DMWD: variants seen among roughly 807,000 people sequenced by gnomAD.
The protein encoded by DMWD is DM1 locus, WD repeat containing, also known as dystrophia myotonica WD repeat-containing protein.
In DMWD, 19 loss-of-function variants were observed where a neutral mutation model predicts 45.8. That is an observed-to-expected ratio of 0.41 (90% CI 0.29 to 0.61). The LOEUF is 0.61. Ranked by LOEUF, DMWD falls within the 20% of genes least tolerant of loss-of-function variation. The probability of loss-of-function intolerance (pLI) is 0.25; values close to 1 mark genes in which losing one functional copy is unlikely to be tolerated. For synonymous variants in DMWD, 515 were observed against 440.5 expected, an observed-to-expected ratio of 1.17 and a Z score of -2.12; for missense variants, 802 against 965.2, an observed-to-expected ratio of 0.83 and a Z score of 2.24.
At chr19:45,784,948 G>A (rs1441923887) in intron 3 of DMWD, among the ~76,000 whole-genome samples, 1 of 152,188 alleles carries the variant, frequency 6.6e-6, no homozygotes, top group Non-Finnish European at 1.5e-5. Flanking sequence ...AAGATGCCAG[G>A]CCTGATTCGC....
At chr19:45,787,274 A>C in intron 2 of DMWD, 1 of 271,796 alleles carries the variant, frequency 3.7e-6, no homozygotes, top group African/African-American at 2.2e-5. Context: ...CAGGCATTAC[A>C]GCCTGAGCCC....
At chr19:45,789,459 TCTCCATGTATGATTCTA>T (rs1216313452) in intron 2 of DMWD, 1 of 152,198 alleles carries the variant, frequency 6.6e-6, no homozygotes, top group Non-Finnish European at 1.5e-5. Flanking sequence ...GACTGAGCAA[TCTCCATGTATGATTCTA>T]CAACAGCGGT....
Position 45,786,105 on chromosome 19 carries a change from C to A in DMWD, c.1391G>T (p.Gly464Val). The change falls in exon 3 of 5, where the codon GGC (glycine) becomes GTC (valine). Residue 464 changes from glycine (G) to valine (V), a missense_variant. Transcript: ENST00000270223. ...PPLARTRTLP[G>V]TPGTTPPAAS... ...GGCCGGTGGCGTGGTGCCAGGTGTG[C>A]CAGGGAGGGTGCGGGTGCGGGCCAG... 1 of 1,527,702 alleles carries A rather than the reference C, an allele frequency of 6.5e-7. No individual in the cohort carries two copies. Among genetic ancestry groups the A allele is most frequent in the Middle Eastern group, 1.7e-4 (1 of 5,752 alleles). The allele number at this position is 1,527,702 out of a possible 1,614,324, so 94.6% of individuals were successfully genotyped here.
chr19:45,792,216 G>A (rs1970364103), intron 1 of DMWD, 100 bp downstream of exon 1: 2 of 1,441,110 alleles, frequency 1.4e-6, no homozygotes, highest in Non-Finnish European at 1.8e-6. Flanking sequence ...CATTTAGAAT[G>A]CCTATCTCAG....
At chr19:45,788,218 G>A (rs551721011) in intron 2 of DMWD, among the ~76,000 whole-genome samples, 6 of 152,214 alleles carry the variant, frequency 3.9e-5, no homozygotes, top group African/African-American at 1.4e-4. Flanking sequence ...CCGCCACAGC[G>A]ATGCTCTGTG....
Position 45,792,762 on chromosome 19 carries a change from G to T in DMWD, c.-6C>A, listed in dbSNP as rs754868134. 2.8e-5 allele frequency: 32 copies of T among 1,125,010 alleles called. No individual in the cohort carries two copies. Among genetic ancestry groups the T allele is most frequent in the Middle Eastern group, 7.0e-4 (2 of 2,872 alleles). The allele number at this position is 1,125,010 out of a possible 1,614,324, so 69.7% of individuals were successfully genotyped here. A position where few individuals can be genotyped will look rare whatever the true frequency, so the allele number is the denominator to read the frequency against. On this transcript the variant is annotated 5_prime_UTR_variant, in exon 1 of 5. Transcript: ENST00000270223. ...TCCGCGCCGCCCGCCGCCATCTTGG[G>T]CGCCCCCCGGGCCCCGCCACTGCCG... is the stretch of plus-strand genomic sequence containing the variant.
chr19:45,785,753 A>T lies in DMWD; in HGVS notation c.1743T>A (p.Thr581=), dbSNP rs773062519. 6.2e-7 allele frequency: 1 copy of T among 1,610,654 alleles called. No homozygotes were observed. ...SRLDPAKVLG[T]ALCPRIHEVP... is the part of the protein sequence containing the mutation. Reference sequence around the variant, plus strand: ...CCTCGTGGATGCGCGGGCACAGCGCAGTGCCCAGCACCTTGGCGGGGTCCA... The same window carrying T: ...CCTCGTGGATGCGCGGGCACAGCGCTGTGCCCAGCACCTTGGCGGGGTCCA... The change falls in exon 3 of 5, where the codon ACT becomes ACA. Residue 581 remains threonine (T), a synonymous_variant. Transcript: ENST00000270223.
Position 45,784,362 on chromosome 19 carries a change from G to A in DMWD, c.1978-72C>T. ...GGCTTCAGCCAGTGTCAAGGGGAGGGAGCCAGCCCAGAGTCCCCAAAGCTG... is the reference window on the plus strand; with the variant it reads ...GGCTTCAGCCAGTGTCAAGGGGAGGAAGCCAGCCCAGAGTCCCCAAAGCTG... On this transcript the variant is annotated intron_variant, in intron 4 of 4. Transcript: ENST00000270223. 3 of 1,446,858 alleles carry A rather than the reference G, an allele frequency of 2.1e-6. No homozygotes were observed. In the East Asian group the frequency reaches 7.1e-5, roughly 34 times the overall value. 89.6% of individuals were successfully genotyped at this position (1,446,858 alleles called of 1,614,324 possible).
At position 45,786,507 on chromosome 19, in the gene DMWD, A is replaced by C; in HGVS notation, c.989T>G (p.Leu330Arg). 6.2e-7 allele frequency: 1 copy of C among 1,614,034 alleles called. No individual in the cohort carries two copies. The highest frequency in any genetic ancestry group is 1.1e-5 in the South Asian group (1 of 91,078). Residue 330 changes from leucine (L) to arginine (R), a missense_variant, in exon 3 of 5, where the codon CTG becomes CGG. Leu to Arg is a moderately radical substitution (Grantham distance 102, BLOSUM62 -2). Coordinates refer to ENST00000270223, the MANE Select transcript of DMWD (RefSeq NM_004943.2). Reference sequence around the variant, plus strand: ...GCCGTCAGGGCTCCAGCACACACACAGCAGGCCCCCAAAGTAGCTCTTCAT... The same window carrying C: ...GCCGTCAGGGCTCCAGCACACACACCGCAGGCCCCCAAAGTAGCTCTTCAT... Reference protein sequence around the residue: ...GLMKSYFGGLLCVCWSPDGRY... With the variant: ...GLMKSYFGGLRCVCWSPDGRY...
At chr19:45,785,256 G>A (rs537503928) in intron 3 of DMWD, 1 of 1,091,098 alleles carries the variant, frequency 9.2e-7, no homozygotes, top group East Asian at 5.6e-5. Context: ...TTAAAAAACA[G>A]ATGTTCAACA....
At chr19:45,790,015 G>C (rs1970333750) in intron 2 of DMWD, 1 of 152,214 alleles carries the variant, frequency 6.6e-6, no homozygotes, top group South Asian at 2.1e-4. Flanking sequence ...GCTGGGCGTG[G>C]TGCTGGGCGC....
At chr19:45,785,271 T>G (rs377654826) in intron 3 of DMWD, 63 of 1,125,262 alleles carry the variant, frequency 5.6e-5, no homozygotes, top group Non-Finnish European at 6.5e-5. Flanking sequence ...TCAACAGAAA[T>G]AGATTCTGGT....
intron 3 of DMWD, 117 bp downstream of exon 3, chr19:45,785,477 C>T (rs1970257562): frequency 7.1e-7 from 1 of 1,400,134 alleles, no homozygotes; most frequent in Non-Finnish European, 9.3e-7. Flanking sequence ...CCTGGCTTCC[C>T]CTCACCCCAC....
rs1411242213 is a variant in DMWD at position 45,792,741 on chromosome 19, C to T, written c.16G>A (p.Ala6Thr). Reference sequence around the variant, plus strand: ...GCGCCGGGGCCCGAGCCGCCCTCCGCGCCGCCCGCCGCCATCTTGGGCGCC... The same window carrying T: ...GCGCCGGGGCCCGAGCCGCCCTCCGTGCCGCCCGCCGCCATCTTGGGCGCC... MAAGG[A>T]EGGSGPGAAM... Residue 6 changes from alanine (A) to threonine (T), a missense_variant, in exon 1 of 5, where the codon GCG (alanine) becomes ACG (threonine). Around this residue, in one of 9 missense-constraint regions of DMWD, gnomAD observed 151 missense variants for 128.1 expected, o/e 1.18. Coordinates refer to ENST00000270223, the MANE Select transcript of DMWD (RefSeq NM_004943.2). The T allele has an allele frequency of 2.6e-6, 3 of 1,141,346 alleles. No homozygotes were observed. Among genetic ancestry groups the T allele is most frequent in the South Asian group, 7.8e-5 (2 of 25,794 alleles). 70.7% of individuals were successfully genotyped at this position (1,141,346 alleles called of 1,614,324 possible).
chr19:45,792,721 G>A lies in DMWD; in HGVS notation c.36C>T (p.Pro12=). ...CCGCGCAGTCCCCCATGGCGGCGCC[G>A]GGGCCCGAGCCGCCCTCCGCGCCGC... The part of the protein sequence containing the change: ...AAGGAEGGSG[P]GAAMGDCAEI... The change falls in exon 1 of 5, where the codon CCC becomes CCT. Residue 12 remains proline, a synonymous_variant. Coordinates refer to ENST00000270223, the MANE Select transcript of DMWD (RefSeq NM_004943.2). 1 of 1,201,702 alleles carries A rather than the reference G, an allele frequency of 8.3e-7. No individual in the cohort carries two copies. 74.4% of individuals were successfully genotyped at this position (1,201,702 alleles called of 1,614,324 possible).
intron 4 of DMWD, 40 bp downstream of exon 4, chr19:45,784,601 A>G: frequency 6.2e-7 from 1 of 1,613,660 alleles, no homozygotes; most frequent in Non-Finnish European, 8.5e-7. Flanking sequence ...CTTGGGAGGG[A>G]CCCTGAGGTG....
At chr19:45,787,383 G>C (rs946060908) in intron 2 of DMWD, among the ~76,000 whole-genome samples, 3 of 152,136 alleles carry the variant, frequency 2.0e-5, no homozygotes, top group Non-Finnish European at 2.9e-5. Context: ...CTCCTTATTA[G>C]AATCTAACAC....
chr19:45,784,558 G>C, intron 4 of DMWD, 83 bp downstream of exon 4: 1 of 1,607,526 alleles, frequency 6.2e-7, no homozygotes, highest in Non-Finnish European at 8.5e-7. Flanking sequence ...GGTAAGGGTG[G>C]GAGGGGAGGG....
In DMWD at chr19:45,783,615, G is replaced by A; in HGVS notation, c.*628C>T. The A allele has an allele frequency of 2.5e-6, 1 of 398,924 alleles. No homozygotes were observed. The highest frequency in any genetic ancestry group is 4.4e-5 in the Admixed American group (1 of 22,726). 24.7% of individuals were successfully genotyped at this position (398,924 alleles called of 1,614,324 possible). A position where few individuals can be genotyped will look rare whatever the true frequency, so the allele number is the denominator to read the frequency against. On this transcript the variant is annotated 3_prime_UTR_variant, in exon 5 of 5. Coordinates refer to ENST00000270223, the MANE Select transcript of DMWD (RefSeq NM_004943.2). ...TTTCCTGCTATGAAAAGGGGTGGGA[G>A]GCGCTGGGCTGGGAGCAGGCCTGCA...
Sources: gnomAD v4.1 joint callset for allele counts (sites outside exome capture counted in the v4.1 genomes callset) on GRCh38, gnomAD v4.1.1 for gene constraint, gnomAD v4.1.1 regional missense constraint, MANE v1.5 for transcripts, NCBI Gene and HGNC (gene_info 2026-07-23, HGNC 2026-07-21) for gene names.